Variants in MSRA observed in about 807,000 individuals in gnomAD.
MSRA encodes the protein mitochondrial peptide methionine sulfoxide reductase.
A neutral mutation model predicts 31.3 loss-of-function variants in MSRA; 54 were observed. The observed-to-expected ratio is 1.73, with a 90% CI of 1.39 to 2.17. The LOEUF (loss-of-function observed/expected upper bound fraction) is 2.17. Among genes scored for constraint, MSRA ranks in the 30% most tolerant of loss-of-function variants. The probability of loss-of-function intolerance (pLI) is 0.00; values close to 1 mark genes in which losing one functional copy is unlikely to be tolerated. For missense variants in MSRA, 507 were observed against 300.9 expected, an observed-to-expected ratio of 1.69 and a Z score of -5.07; for synonymous variants, 169 against 116.5, an observed-to-expected ratio of 1.45 and a Z score of -2.90.
chr8:10,241,458 C>T (rs373914881), intron 2 of MSRA, among the ~76,000 whole-genome samples: 1 of 152,144 alleles, frequency 6.6e-6, no homozygotes, highest in Non-Finnish European at 1.5e-5. Context: ...AAAAACTCTT[C>T]GATTAGCCTG....
chr8:10,113,533 T>C (rs1800454559), intron 1 of MSRA, among the ~76,000 whole-genome samples: 1 of 151,660 alleles, frequency 6.6e-6, no homozygotes, highest in African/African-American at 2.4e-5. Context: ...TTTTCTTCTT[T>C]GAATGATGCT....
At chr8:10,209,624 C>G (rs1300935448) in intron 2 of MSRA, among the ~76,000 whole-genome samples, 1 of 152,130 alleles carries the variant, frequency 6.6e-6, no homozygotes, top group African/African-American at 2.4e-5. Flanking sequence ...TTCCCCAAGG[C>G]CCTCATTGTT....
chr8:10,093,025 C>T (rs1018406945), intron 1 of MSRA, among the ~76,000 whole-genome samples: 3 of 152,084 alleles, frequency 2.0e-5, no homozygotes, highest in Non-Finnish European at 4.4e-5. Context: ...TTTCTTTTTG[C>T]ATGGTATATA....
chr8:10,341,056 G>A (rs1214176764), intron 5 of MSRA, among the ~76,000 whole-genome samples: 1 of 152,206 alleles, frequency 6.6e-6, no homozygotes, highest in Admixed American at 6.5e-5. Flanking sequence ...GTAGGGCTCT[G>A]TGGATTCCAG....
intron 2 of MSRA, among the ~76,000 whole-genome samples, chr8:10,218,103 C>T (rs957501910): frequency 1.5e-4 from 23 of 149,572 alleles, no homozygotes; most frequent in African/African-American, 4.2e-4. Context: ...ATTTAACACC[C>T]GGTTCCTTTT....
intron 1 of MSRA, among the ~76,000 whole-genome samples, chr8:10,199,048 C>T (rs913483246): frequency 3.9e-5 from 6 of 152,198 alleles, no homozygotes; most frequent in African/African-American, 1.4e-4. Context: ...ATATAATTAA[C>T]AATTTATCTG....
In MSRA at chr8:10,342,768, C is replaced by G. The variant is rs532459718; in HGVS notation, c.543+22779C>G. The stretch of plus-strand genomic sequence containing the variant: ...CGTGGGTGCCAAGCTCAGTTAATAA[C>G]CCAGAGCTTCTGCCCAGTGGGCTTG... On this transcript the variant is annotated intron_variant, in intron 5 of 5. Transcript: ENST00000317173. Among the ~76,000 whole-genome samples the G allele has an allele frequency of 1.9e-3, 291 of 152,344 alleles. 1 individual carries two copies. The highest frequency in any genetic ancestry group is 2.9e-3 in the Non-Finnish European group (199 of 68,032).
chr8:10,260,140 CAAAG>C (rs1158498411), intron 3 of MSRA, among the ~76,000 whole-genome samples: 1 of 152,136 alleles, frequency 6.6e-6, no homozygotes, highest in Non-Finnish European at 1.5e-5. Flanking sequence ...GAAGAAGTGG[CAAAG>C]AAAGGGAAGA....
At chr8:10,204,763 T>C (rs1808798236) in intron 1 of MSRA, among the ~76,000 whole-genome samples, 1 of 152,254 alleles carries the variant, frequency 6.6e-6, no homozygotes, top group Non-Finnish European at 1.5e-5. Flanking sequence ...TCATAATGGC[T>C]AAAGAGAGAT....
At chr8:10,384,427 C>G (rs1377582638) in intron 5 of MSRA, among the ~76,000 whole-genome samples, 1 of 152,224 alleles carries the variant, frequency 6.6e-6, no homozygotes, top group Non-Finnish European at 1.5e-5. Flanking sequence ...CACGAAGCCT[C>G]TTGAGGTAGC....
intron 5 of MSRA, among the ~76,000 whole-genome samples, chr8:10,328,175 C>T (rs927279171): frequency 9.2e-5 from 14 of 151,420 alleles, no homozygotes; most frequent in African/African-American, 1.5e-4. Flanking sequence ...CAACGTAATG[C>T]TTTCTAAAAT....
chr8:10,318,672 C>T (rs562466051), intron 4 of MSRA, among the ~76,000 whole-genome samples: 23 of 152,170 alleles, frequency 1.5e-4, no homozygotes, highest in Non-Finnish European at 3.1e-4. Flanking sequence ...TTTTGTGATT[C>T]AATGGGTAGA....
chr8:10,366,454 G>A (rs370368530), intron 5 of MSRA, among the ~76,000 whole-genome samples: 3 of 152,254 alleles, frequency 2.0e-5, no homozygotes, highest in African/African-American at 7.2e-5. Flanking sequence ...CCGGCAGTGG[G>A]GACAATGGCA....
chr8:10,151,941 A>C (rs1254349842), intron 1 of MSRA, among the ~76,000 whole-genome samples: 1 of 152,212 alleles, frequency 6.6e-6, no homozygotes, highest in Non-Finnish European at 1.5e-5. Context: ...TCAGTGTCTC[A>C]CCACCTGACC....
intron 5 of MSRA, among the ~76,000 whole-genome samples, chr8:10,365,504 TA>T (rs1192954798): frequency 2.0e-5 from 3 of 152,284 alleles, no homozygotes; most frequent in Non-Finnish European, 4.4e-5. Context: ...CAAATGGGTA[TA>T]AAAAAAGAAC....
chr8:10,403,043 A>G (rs1962073), intron 5 of MSRA, among the ~76,000 whole-genome samples: 64,829 of 152,084 alleles, frequency 0.43, 15,969 homozygotes, highest in Non-Finnish European at 0.56. Flanking sequence ...AAAAGCCAGG[A>G]TGCTTGACAC....
At chr8:10,121,390 C>G (rs538446668) in intron 1 of MSRA, among the ~76,000 whole-genome samples, 1 of 152,278 alleles carries the variant, frequency 6.6e-6, no homozygotes, top group South Asian at 2.1e-4. Flanking sequence ...ATGGCCCCCA[C>G]CTACCTAAAC....
intron 3 of MSRA, among the ~76,000 whole-genome samples, chr8:10,274,142 G>A (rs1228713296): frequency 1.3e-5 from 2 of 152,200 alleles, no homozygotes; most frequent in Non-Finnish European, 2.9e-5. Flanking sequence ...ACAGAGCAGA[G>A]AAAGAAGGGT....
At chr8:10,145,818 G>A (rs753613033) in intron 1 of MSRA, among the ~76,000 whole-genome samples, 5 of 151,976 alleles carry the variant, frequency 3.3e-5, no homozygotes, top group South Asian at 4.2e-4. Flanking sequence ...ACATACACCC[G>A]CATCTGCACG....
Sources: gnomAD v4.1 joint callset for allele counts (sites outside exome capture counted in the v4.1 genomes callset) on GRCh38, gnomAD v4.1.1 for gene constraint, MANE v1.5 for transcripts, NCBI Gene and HGNC (gene_info 2026-07-23, HGNC 2026-07-21) for gene names.